Variants in PRKRIP1 observed in about 807,000 individuals in gnomAD.
PRKRIP1 encodes the protein PRKR interacting protein 1, also known as PRKR-interacting protein 1.
A neutral mutation model predicts 29.3 loss-of-function variants in PRKRIP1; 29 were observed. The observed-to-expected ratio is 0.99, with a 90% CI of 0.74 to 1.35. The LOEUF is 1.35. Ranked by LOEUF, PRKRIP1 falls within the 40% of genes most tolerant of loss-of-function variation. PRKRIP1 has a pLI of 0.00. For synonymous variants in PRKRIP1, 90 were observed against 85.1 expected (o/e 1.06, Z -0.32); for missense variants, 247 against 236.8 (o/e 1.04, Z -0.28).
intron 5 of PRKRIP1, among the ~76,000 whole-genome samples, chr7:102,410,059 C>T (rs1352138624): frequency 1.3e-5 from 2 of 152,106 alleles, no homozygotes; most frequent in Non-Finnish European, 1.5e-5. Context: ...TGTCTTGAAC[C>T]ACCGCATCTC....
chr7:102,398,617 G>GT (rs1208927573), intron 2 of PRKRIP1, among the ~76,000 whole-genome samples: 3 of 151,996 alleles, frequency 2.0e-5, no homozygotes, highest in African/African-American at 7.3e-5. Flanking sequence ...ACGCATTGTG[G>GT]TTTTTTTGTA....
intron 4 of PRKRIP1, among the ~76,000 whole-genome samples, 184 bp downstream of exon 4, chr7:102,404,867 C>T (rs1279550238): frequency 6.6e-6 from 1 of 152,056 alleles, no homozygotes; most frequent in Non-Finnish European, 1.5e-5. Context: ...TACAGATTGT[C>T]CAGAGCTTGC....
chr7:102,404,208 C>T (rs1372656330), intron 3 of PRKRIP1: 2 of 162,464 alleles, frequency 1.2e-5, no homozygotes, highest in African/African-American at 4.8e-5. Flanking sequence ...TATGGTTGGG[C>T]TTAGGGCTTG....
intron 3 of PRKRIP1, 85 bp from the exon 4 acceptor site, chr7:102,404,513 T>C (rs1381803746): frequency 3.6e-6 from 4 of 1,104,634 alleles, no homozygotes; most frequent in Non-Finnish European, 5.4e-6. Context: ...GTGTGACTTC[T>C]AGAACTCTCC....
At position 102,416,469 on chromosome 7, in the gene PRKRIP1, C is replaced by T. The variant is rs1233147056; in HGVS notation, c.458-8545C>T. 1.4e-4 allele frequency among the ~76,000 whole-genome samples: 22 copies of T among 152,160 alleles called. 1 individual carries two copies. Among genetic ancestry groups the T allele is most frequent in the East Asian group, 1.9e-4 (1 of 5,190 alleles). On this transcript the variant is annotated intron_variant, in intron 5 of 5. Transcript: ENST00000397912. Reference sequence around the variant, plus strand: ...GGCACCGCGTCACATTGTGTTATTACGCATTCTTCGGCTCCTGTTGGCTGT... The same window carrying T: ...GGCACCGCGTCACATTGTGTTATTATGCATTCTTCGGCTCCTGTTGGCTGT...
At position 102,404,630 on chromosome 7, in the gene PRKRIP1, G is replaced by A. The variant is rs782772263; in HGVS notation, c.339G>A (p.Leu113=). The A allele has an allele frequency of 3.7e-6, 6 of 1,613,788 alleles. No homozygotes were observed. The highest frequency in any genetic ancestry group is 1.1e-5 in the South Asian group (1 of 91,058). ...TGGATGCAGAGTTTCAGAAAAGACT[G>A]GAAAAGAATAAAATTGCTGCAGAGG... ...QKLDAEFQKR[L]EKNKIAAEEQ... Residue 113 remains leucine, a synonymous_variant, in exon 4 of 6, where the codon CTG becomes CTA. Transcript: ENST00000397912.
chr7:102,402,699 T>C, intron 3 of PRKRIP1, among the ~76,000 whole-genome samples: 1 of 152,064 alleles, frequency 6.6e-6, no homozygotes, highest in East Asian at 1.9e-4. Context: ...TCTCTGAGAT[T>C]TAAAAAAAAG....
At chr7:102,412,091 C>T (rs546023655) in intron 5 of PRKRIP1, among the ~76,000 whole-genome samples, 7 of 151,514 alleles carry the variant, frequency 4.6e-5, no homozygotes, top group Non-Finnish European at 7.4e-5. Flanking sequence ...CCATGTTGGC[C>T]AGACTAGTCT....
intron 2 of PRKRIP1, among the ~76,000 whole-genome samples, chr7:102,399,300 G>T (rs917328426): frequency 2.6e-5 from 4 of 152,180 alleles, no homozygotes; most frequent in Non-Finnish European, 2.9e-5. Context: ...CTTAACCACA[G>T]TCTGCCCCTC....
Position 102,398,811 on chromosome 7 carries a change from A to G in PRKRIP1, c.206-737A>G, listed in dbSNP as rs552315734. Reference sequence around the variant, plus strand: ...TTTTCTTTATACTCTACTGTAGTTTAATGTGCAATAGCATTATGTCTTTAA... The same window carrying G: ...TTTTCTTTATACTCTACTGTAGTTTGATGTGCAATAGCATTATGTCTTTAA... On this transcript the variant is annotated intron_variant, in intron 2 of 5. Transcript: ENST00000397912. Among the ~76,000 whole-genome samples, 4 of 152,322 alleles carry G rather than the reference A, an allele frequency of 2.6e-5. No individual in the cohort carries two copies. The East Asian group carries it at 5.8e-4, about 22-fold the overall frequency.
rs573321103 is a variant in PRKRIP1, at chr7:102,422,878, A to G, written c.458-2136A>G. On this transcript the variant is annotated intron_variant, in intron 5 of 5. Coordinates refer to ENST00000397912, the MANE Select transcript of PRKRIP1 (RefSeq NM_024653.4). ...TGTTTAGACTTGGGTCACATCCCCA[A>G]GATATCTCATTGTGTAGATGCAGAT... The G allele has an allele frequency of 2.2e-3, 604 of 279,182 alleles. 7 individuals are homozygous for G. In the Middle Eastern group the frequency reaches 0.027, roughly 12 times the overall value. 17.3% of individuals were successfully genotyped at this position (279,182 alleles called of 1,614,324 possible).
At chr7:102,407,375 T>G (rs1031604288) in intron 4 of PRKRIP1, 59 bp from the exon 5 acceptor site, 35 of 1,126,468 alleles carry the variant, frequency 3.1e-5, no homozygotes, top group Non-Finnish European at 4.4e-5. Flanking sequence ...AGGTGTTTAT[T>G]TTCTAAAATA....
intron 5 of PRKRIP1, among the ~76,000 whole-genome samples, chr7:102,419,240 C>A (rs1188498460): frequency 1.3e-5 from 2 of 151,842 alleles, no homozygotes; most frequent in Non-Finnish European, 2.9e-5. Flanking sequence ...ATGGTGAAAC[C>A]CCATCTCTAC....
chr7:102,425,340 T>A lies in PRKRIP1; in HGVS notation c.*229T>A. On this transcript the variant is annotated 3_prime_UTR_variant, in exon 6 of 6. Coordinates refer to ENST00000397912, the MANE Select transcript of PRKRIP1 (RefSeq NM_024653.4). ...GCCTTGCAGACACCATCCGTGCTCCTGGTAAAGGGGGACAGAGAGCCTCAC... is the reference window on the plus strand; with the variant it reads ...GCCTTGCAGACACCATCCGTGCTCCAGGTAAAGGGGGACAGAGAGCCTCAC... The A allele has an allele frequency of 1.3e-6, 1 of 779,540 alleles. No individual in the cohort carries two copies. Among genetic ancestry groups the A allele is most frequent in the Non-Finnish European group, 2.0e-6 (1 of 501,934 alleles). 48.3% of individuals were successfully genotyped at this position (779,540 alleles called of 1,614,324 possible). A position where few individuals can be genotyped will look rare whatever the true frequency, so the allele number is the denominator to read the frequency against.
At chr7:102,424,908 G>T in intron 5 of PRKRIP1, 106 bp from the exon 6 acceptor site, 5 of 1,188,170 alleles carry the variant, frequency 4.2e-6, no homozygotes, top group Non-Finnish European at 4.7e-6. Context: ...TTGCCATGCG[G>T]TCTAGGAACA....
intron 2 of PRKRIP1, among the ~76,000 whole-genome samples, chr7:102,398,297 C>G (rs868963371): frequency 2.3e-4 from 34 of 150,526 alleles, no homozygotes; most frequent in Middle Eastern, 3.4e-3. Flanking sequence ...TTTTGTTTTT[C>G]TTTTGGAGAC....
Position 102,407,454 on chromosome 7 carries a change from A to C in PRKRIP1, c.413A>C (p.Lys138Thr), listed in dbSNP as rs1554571997. ...RKKRQKLKEK[K>T]LLAKKMKLEQ... ...TTTAGCCAGAAGTTAAAAGAGAAGA[A>C]ATTACTGGCAAAGAAGATGAAACTT... Residue 138 changes from lysine to threonine, a missense_variant, in exon 5 of 6, where the codon AAA becomes ACA. By Grantham distance (78) the Lys-to-Thr change is moderately conservative. Transcript: ENST00000397912. The C allele has an allele frequency of 6.2e-7, 1 of 1,612,238 alleles. No individual in the cohort carries two copies. Among genetic ancestry groups the C allele is most frequent in the Non-Finnish European group, 8.5e-7 (1 of 1,178,260 alleles).
rs556540306 is a variant in PRKRIP1 at position 102,404,116 on chromosome 7, T to C, written c.307-482T>C. On this transcript the variant is annotated intron_variant, in intron 3 of 5. Transcript: ENST00000397912. ...AGGAGTTCAAGGTTGTAGTGAGCTA[T>C]TGTGCCACTGCACTCCAGCCTAGGC... Among the ~76,000 whole-genome samples the C allele has an allele frequency of 5.3e-5, 8 of 152,332 alleles. No individual in the cohort carries two copies. The South Asian group carries it at 1.4e-3, about 28-fold the overall frequency.
chr7:102,399,028 A>C (rs1037092151), intron 2 of PRKRIP1, among the ~76,000 whole-genome samples: 3 of 152,214 alleles, frequency 2.0e-5, no homozygotes, highest in African/African-American at 7.2e-5. Flanking sequence ...AAGCTGAGGC[A>C]GGAGGATGGC....
Sources: allele counts gnomAD v4.1 joint callset (sites outside exome capture counted in the v4.1 genomes callset), GRCh38; gene constraint gnomAD v4.1.1; transcripts MANE v1.5; gene names NCBI Gene and HGNC (gene_info 2026-07-23, HGNC 2026-07-21).